Variants in ELOVL6 observed in about 807,000 individuals in gnomAD.
The protein encoded by ELOVL6 is ELOVL fatty acid elongase 6.
Under a neutral mutation model 31.7 loss-of-function variants are expected in ELOVL6, and 8 were observed. That is an observed-to-expected ratio of 0.25 (90% confidence interval 0.15 to 0.45). The LOEUF (loss-of-function observed/expected upper bound fraction) is 0.45. Among genes scored for constraint, ELOVL6 ranks in the 20% least tolerant of loss-of-function variants. The pLI is 1.00. For missense variants in ELOVL6, 126 were observed against 326.4 expected (o/e 0.39, Z 4.73); for synonymous variants, 101 against 117.7 (o/e 0.86, Z 0.92).
intron 2 of ELOVL6, chr4:110,093,041 G>C (rs149520212): frequency 2.3e-4 from 97 of 420,140 alleles, no homozygotes; most frequent in African/African-American, 1.7e-3. Context: ...AGTTTCAAAA[G>C]AGCTATGGTA....
intron 3 of ELOVL6, 97 bp downstream of exon 3, chr4:110,059,506 C>CA: frequency 7.4e-7 from 1 of 1,350,486 alleles, no homozygotes; most frequent in African/African-American, 1.5e-5. Flanking sequence ...TTGCAACCAA[C>CA]AAAATAGGAC....
chr4:110,090,446 T>C (rs72898565), intron 2 of ELOVL6, among the ~76,000 whole-genome samples: 3,217 of 152,154 alleles, frequency 0.021, 88 homozygotes, highest in African/African-American at 0.065. Context: ...AATAGCATTG[T>C]ATATGTAAAG....
chr4:110,151,111 A>C (rs981894737), intron 1 of ELOVL6, among the ~76,000 whole-genome samples: 30 of 152,054 alleles, frequency 2.0e-4, no homozygotes, highest in African/African-American at 7.2e-4. Context: ...AGCACCTTTT[A>C]ATTGCATAAA....
chr4:110,169,918 C>T (rs975390339), intron 1 of ELOVL6, among the ~76,000 whole-genome samples: 3 of 150,988 alleles, frequency 2.0e-5, no homozygotes, highest in Admixed American at 2.0e-4. Context: ...GATTCTCTTG[C>T]TTCAGCCTCC....
intron 1 of ELOVL6, among the ~76,000 whole-genome samples, chr4:110,142,139 C>T (rs1021134664): frequency 1.5e-5 from 2 of 134,880 alleles, no homozygotes; most frequent in African/African-American, 2.8e-5. Context: ...GGTGTGATCT[C>T]GGCTCACTGC....
At chr4:110,188,945 T>C (rs1473758550) in intron 1 of ELOVL6, among the ~76,000 whole-genome samples, 1 of 151,374 alleles carries the variant, frequency 6.6e-6, no homozygotes, top group African/African-American at 2.4e-5. Context: ...CAGGTAACCA[T>C]GTATTAACTG....
At chr4:110,105,741 T>C in intron 1 of ELOVL6, 113 bp from the exon 2 acceptor site, 3 of 967,702 alleles carry the variant, frequency 3.1e-6, no homozygotes, top group East Asian at 2.8e-5. Context: ...AGAATATTCC[T>C]GCTTCACTGA....
intron 1 of ELOVL6, among the ~76,000 whole-genome samples, chr4:110,107,652 A>T (rs1305097221): frequency 1.3e-5 from 2 of 152,230 alleles, no homozygotes; most frequent in African/African-American, 4.8e-5. Flanking sequence ...TTACAAGGGC[A>T]TGGAATTAAA....
chr4:110,090,600 C>CTTTTTTGTTT (rs1553956743), intron 2 of ELOVL6, among the ~76,000 whole-genome samples: 6 of 103,722 alleles, frequency 5.8e-5, no homozygotes, highest in Admixed American at 1.1e-4. Context: ...GTTTGACTTT[C>CTTTTTTGTTT]TTTTTTTTTT....
At chr4:110,134,409 G>A (rs1370591512) in intron 1 of ELOVL6, among the ~76,000 whole-genome samples, 1 of 152,124 alleles carries the variant, frequency 6.6e-6, no homozygotes, top group Non-Finnish European at 1.5e-5. Flanking sequence ...ACCCTCAGGA[G>A]TCACTATGAC....
chr4:110,068,199 T>C (rs536307595), intron 2 of ELOVL6, among the ~76,000 whole-genome samples: 1 of 152,156 alleles, frequency 6.6e-6, no homozygotes, highest in Non-Finnish European at 1.5e-5. Flanking sequence ...AGAAATAACA[T>C]TTAGGCCTTC....
intron 1 of ELOVL6, among the ~76,000 whole-genome samples, chr4:110,155,198 T>C (rs558056192): frequency 6.6e-6 from 1 of 152,264 alleles, no homozygotes; most frequent in East Asian, 1.9e-4. Flanking sequence ...CACACTCACA[T>C]AGACCAAAAC....
chr4:110,150,701 T>G (rs1313755355), intron 1 of ELOVL6, among the ~76,000 whole-genome samples: 1 of 152,210 alleles, frequency 6.6e-6, no homozygotes, highest in Non-Finnish European at 1.5e-5. Flanking sequence ...TTTCCAAGCT[T>G]TAATTTTATT....
At chr4:110,170,280 G>C (rs771107807) in intron 1 of ELOVL6, among the ~76,000 whole-genome samples, 6 of 152,194 alleles carry the variant, frequency 3.9e-5, no homozygotes, top group Non-Finnish European at 5.9e-5. Flanking sequence ...GTTGTGTGCT[G>C]CCATTATAAA....
chr4:110,187,184 C>T (rs1759475241), intron 1 of ELOVL6, among the ~76,000 whole-genome samples: 1 of 151,512 alleles, frequency 6.6e-6, no homozygotes, highest in Non-Finnish European at 1.5e-5. Context: ...GTCTGAAAAT[C>T]ACTCCTTTTC....
intron 2 of ELOVL6, among the ~76,000 whole-genome samples, chr4:110,066,261 T>C (rs1266321124): frequency 6.6e-6 from 1 of 152,018 alleles, no homozygotes; most frequent in African/African-American, 2.4e-5. Context: ...CAGAACAGGT[T>C]AAAACAAATT....
rs1490696882 is a variant in ELOVL6, at chr4:110,050,763, A to G, written c.*575T>C. On this transcript the variant is annotated 3_prime_UTR_variant, in exon 4 of 4. Transcript: ENST00000302274. ...ACATCTGTTTTCATAAGGATGATTA[A>G]GACATCTTTTCTCATGGGGTCTACA... The G allele has an allele frequency of 6.5e-6, 1 of 153,704 alleles. No homozygotes were observed. Among genetic ancestry groups the G allele is most frequent in the East Asian group, 1.9e-4 (1 of 5,208 alleles). 9.5% of individuals were successfully genotyped at this position (153,704 alleles called of 1,614,324 possible).
At chr4:110,133,029 T>C (rs1193428073) in intron 1 of ELOVL6, among the ~76,000 whole-genome samples, 2 of 151,726 alleles carry the variant, frequency 1.3e-5, no homozygotes, top group Non-Finnish European at 2.9e-5. Flanking sequence ...AATGAGATCA[T>C]CCAAGGGGAA....
chr4:110,192,471 CA>C (rs1560866372), intron 1 of ELOVL6, among the ~76,000 whole-genome samples: 1 of 152,154 alleles, frequency 6.6e-6, no homozygotes, highest in African/African-American at 2.4e-5. Flanking sequence ...CACCCTCAAA[CA>C]AAAAAGCAAC....
Sources: gnomAD v4.1 joint callset for allele counts (sites outside exome capture counted in the v4.1 genomes callset) on GRCh38, gnomAD v4.1.1 for gene constraint, MANE v1.5 for transcripts, NCBI Gene and HGNC (gene_info 2026-07-23, HGNC 2026-07-21) for gene names.